C19orf38: variants seen among roughly 807,000 people sequenced by gnomAD.
C19orf38 encodes the protein chromosome 19 open reading frame 38, also known as protein HIDE1.
Under a neutral mutation model 26.6 loss-of-function variants are expected in C19orf38, and 14 were observed. The observed-to-expected ratio is 0.53, with a 90% CI of 0.35 to 0.82. The LOEUF (loss-of-function observed/expected upper bound fraction) is 0.82, where lower values mean the gene tolerates loss of function less well. C19orf38 is among the 40% of genes least tolerant of loss of function. The pLI is 0.01. For synonymous variants in C19orf38, 132 were observed against 128.5 expected, an observed-to-expected ratio of 1.03 and a Z score of -0.18; for missense variants, 261 against 299.5, an observed-to-expected ratio of 0.87 and a Z score of 0.95.
rs1158375022 is a variant in C19orf38 at position 10,852,389 on chromosome 19, T to C, written c.340+1822T>C. On this transcript the variant is annotated intron_variant, in intron 2 of 6. Transcript: ENST00000397820. ...GATGATAAACATGAAATCCAATATA[T>C]ATTCAACCTGCCAGCAGGGCACCAG... Among the ~76,000 whole-genome samples the C allele has an allele frequency of 2.0e-5, 3 of 152,120 alleles. No individual in the cohort carries two copies. The East Asian group carries it at 5.8e-4, about 30-fold the overall frequency.
At chr19:10,865,532 C>T (rs1028320288) in intron 6 of C19orf38, among the ~76,000 whole-genome samples, 8 of 151,742 alleles carry the variant, frequency 5.3e-5, no homozygotes, top group Admixed American at 1.3e-4. Flanking sequence ...TTTAAGAGGC[C>T]GAGGTGGGAA....
rs898476454 is a variant in C19orf38 at position 10,837,239 on chromosome 19, A to G, written c.-69+469A>G. On this transcript the variant is annotated intron_variant, in intron 1 of 7. Transcript: ENST00000592854. ...GTTCCCGTCTAAACATAAACTGTGT[A>G]CAGGGAGATGTTTAGTCTTCAAAGA... Among the ~76,000 whole-genome samples the G allele has an allele frequency of 3.9e-5, 6 of 152,352 alleles. No individual in the cohort carries two copies. The South Asian group carries it at 1.2e-3, about 32-fold the overall frequency.
chr19:10,840,431 C>G (rs1477393687), intron 1 of C19orf38, among the ~76,000 whole-genome samples: 1 of 152,254 alleles, frequency 6.6e-6, no homozygotes, highest in Non-Finnish European at 1.5e-5. Context: ...CCTCAGCCTC[C>G]CAAGTAGCTG....
intron 6 of C19orf38, among the ~76,000 whole-genome samples, chr19:10,864,725 G>A (rs192615123): frequency 5.3e-5 from 8 of 152,250 alleles, no homozygotes; most frequent in African/African-American, 1.4e-4. Context: ...AGTGGAGTTC[G>A]AAGAAGTGAT....
chr19:10,850,942 G>T (rs1009256036), intron 2 of C19orf38, among the ~76,000 whole-genome samples: 2 of 152,174 alleles, frequency 1.3e-5, no homozygotes, highest in African/African-American at 4.8e-5. Context: ...AGGCACAGGA[G>T]GTACACACCT....
At chr19:10,865,782 G>A (rs1053501968) in intron 6 of C19orf38, among the ~76,000 whole-genome samples, 2 of 152,064 alleles carry the variant, frequency 1.3e-5, no homozygotes, top group African/African-American at 2.4e-5. Context: ...GCAAATACAC[G>A]CAGAAGTGGA....
intron 4 of C19orf38, among the ~76,000 whole-genome samples, chr19:10,858,939 T>A (rs1018346478): frequency 7.5e-5 from 7 of 93,058 alleles, no homozygotes; most frequent in African/African-American, 2.3e-4. Context: ...TATATATGTT[T>A]TTTTTTTTTT....
intron 6 of C19orf38, among the ~76,000 whole-genome samples, chr19:10,864,532 C>T (rs962205194): frequency 2.6e-5 from 4 of 152,054 alleles, no homozygotes; most frequent in Admixed American, 6.6e-5. Context: ...GCTGGGATCC[C>T]GGAAGGGTTC....
chr19:10,847,498 C>T (rs776738264), upstream of C19orf38, among the ~76,000 whole-genome samples: 5 of 151,834 alleles, frequency 3.3e-5, no homozygotes, highest in Non-Finnish European at 4.4e-5. Context: ...CTCAGCCTCC[C>T]GAGTAGCTGG....
intron 6 of C19orf38, among the ~76,000 whole-genome samples, chr19:10,866,932 C>T (rs2073757453): frequency 6.6e-6 from 1 of 152,000 alleles, no homozygotes; most frequent in Admixed American, 6.6e-5. Context: ...TGAGCCACTG[C>T]ACCCAGCCTA....
In C19orf38 at chr19:10,869,295, C is replaced by G; in HGVS notation, c.621C>G (p.Thr207=). 1 of 1,551,648 alleles carries G rather than the reference C, an allele frequency of 6.4e-7. No individual in the cohort carries two copies. The highest frequency in any genetic ancestry group is 8.7e-7 in the Non-Finnish European group (1 of 1,146,980). Reference sequence around the variant, plus strand: ...CTGCCACCCCCAGCAACTCCAGGACCCGGAAGAGGCCCACTTCCACGTCCT... The same window carrying G: ...CTGCCACCCCCAGCAACTCCAGGACGCGGAAGAGGCCCACTTCCACGTCCT... The part of the protein sequence containing the change: ...GTTATPSNSR[T]RKRPTSTSSS... Residue 207 remains threonine (T), a synonymous_variant, in exon 7 of 7, where the codon ACC becomes ACG. Transcript: ENST00000397820.
At chr19:10,856,184 A>G in intron 2 of C19orf38, 81 bp from the exon 3 acceptor site, 1 of 1,103,270 alleles carries the variant, frequency 9.1e-7, no homozygotes, top group Non-Finnish European at 1.3e-6. Context: ...GTTGGGGGTT[A>G]TGGGGTAAGG....
chr19:10,858,102 CT>C (rs1338154499), intron 3 of C19orf38, among the ~76,000 whole-genome samples: 2 of 151,086 alleles, frequency 1.3e-5, no homozygotes, highest in Non-Finnish European at 1.5e-5. Flanking sequence ...GTGATGCACA[CT>C]TGTAATCCCA....
chr19:10,860,171 C>T, intron 5 of C19orf38: 1 of 560,050 alleles, frequency 1.8e-6, no homozygotes, highest in South Asian at 2.0e-5. Flanking sequence ...CCCTGACTCC[C>T]TAGACAGGGT....
At chr19:10,859,374 ATATATATATAT>A (rs1256558288) in intron 4 of C19orf38, among the ~76,000 whole-genome samples, 17 of 39,964 alleles carry the variant, frequency 4.3e-4, no homozygotes, top group East Asian at 1.6e-3. Context: ...ATATATATAT[ATATATATATAT>A]TTTTTTTTTT....
intron 1 of C19orf38, among the ~76,000 whole-genome samples, chr19:10,838,632 A>C (rs944963315): frequency 1.3e-5 from 2 of 152,192 alleles, no homozygotes; most frequent in East Asian, 1.9e-4. Context: ...GACACACAAA[A>C]GAATGAGGTT....
At chr19:10,866,074 C>T (rs994285680) in intron 6 of C19orf38, among the ~76,000 whole-genome samples, 1 of 151,514 alleles carries the variant, frequency 6.6e-6, no homozygotes, top group Non-Finnish European at 1.5e-5. Flanking sequence ...TTTGCTCTTT[C>T]GCCCAGGCTG....
chr19:10,837,789 G>C (rs2073447532), intron 1 of C19orf38, among the ~76,000 whole-genome samples: 1 of 150,968 alleles, frequency 6.6e-6, no homozygotes, highest in Admixed American at 6.6e-5. Context: ...TTGTAGGCGT[G>C]AGCCACTGCA....
intron 2 of C19orf38, among the ~76,000 whole-genome samples, chr19:10,851,028 C>T (rs751224359): frequency 6.6e-6 from 1 of 152,174 alleles, no homozygotes; most frequent in Non-Finnish European, 1.5e-5. Context: ...CCGTGACATA[C>T]ATTACTTCCC....
Sources: gnomAD v4.1 joint callset for allele counts (sites outside exome capture counted in the v4.1 genomes callset) on GRCh38, gnomAD v4.1.1 for gene constraint, MANE v1.5 for transcripts, NCBI Gene and HGNC (gene_info 2026-07-23, HGNC 2026-07-21) for gene names.